Variants in C1orf87 observed in about 807,000 individuals in gnomAD.
The protein encoded by C1orf87 is chromosome 1 open reading frame 87.
Under a neutral mutation model 60.5 loss-of-function variants are expected in C1orf87, and 58 were observed. The ratio of observed to expected loss-of-function variants is 0.96; its 90% CI spans 0.78 to 1.19. The LOEUF (loss-of-function observed/expected upper bound fraction) is 1.19, where lower values mean the gene tolerates loss of function less well. Among genes scored for constraint, C1orf87 ranks in the 50% most tolerant of loss-of-function variants. The pLI, the probability that C1orf87 is intolerant of heterozygous loss-of-function variation, is 0.00. For missense variants in C1orf87, 673 were observed against 638.6 expected (o/e 1.05, Z -0.58); for synonymous variants, 236 against 227.4 (o/e 1.04, Z -0.34).
Position 60,025,431 on chromosome 1 carries a change from T to C in C1orf87, c.1097A>G (p.His366Arg). The C allele has an allele frequency of 6.2e-7, 1 of 1,613,556 alleles. No individual in the cohort carries two copies. The highest frequency in any genetic ancestry group is 1.7e-5 in the Admixed American group (1 of 59,980). The part of the protein sequence containing the change: ...TLSLLETLLN[H>R]QDLGYQNEIK... ...TTCATTTTGGTAACCCAAATCTTGA[T>C]GGTTAAGCAATGTTTCCAGCAGGCT... is the stretch of plus-strand genomic sequence containing the variant. Residue 366 changes from histidine to arginine, a missense_variant, in exon 8 of 12, where the codon CAT (histidine) becomes CGT (arginine). Coordinates refer to ENST00000371201, the MANE Select transcript of C1orf87 (RefSeq NM_152377.3).
intron 9 of C1orf87, among the ~76,000 whole-genome samples, chr1:60,007,688 G>A (rs1198102525): frequency 6.6e-6 from 1 of 151,974 alleles, no homozygotes; most frequent in Non-Finnish European, 1.5e-5. Context: ...TTCTTGCCAG[G>A]AGGTTTGGCT....
At chr1:60,012,423 T>C (rs1645092834) in intron 8 of C1orf87, among the ~76,000 whole-genome samples, 1 of 152,096 alleles carries the variant, frequency 6.6e-6, no homozygotes. Context: ...CTATATTGCC[T>C]GATTTGAATG....
chr1:60,044,072 C>T (rs539734556), intron 3 of C1orf87, among the ~76,000 whole-genome samples: 1 of 152,310 alleles, frequency 6.6e-6, no homozygotes, highest in East Asian at 1.9e-4. Flanking sequence ...CTCTGTTGTC[C>T]AGGCTGGAGT....
At chr1:60,046,164 CCTTG>C (rs1247107545) in intron 3 of C1orf87, among the ~76,000 whole-genome samples, 1 of 147,832 alleles carries the variant, frequency 6.8e-6, no homozygotes, top group African/African-American at 2.5e-5. Flanking sequence ...TCCTTCCTCT[CCTTG>C]CTTCTTTCCT....
At position 60,041,049 on chromosome 1, in the gene C1orf87, C is replaced by T; in HGVS notation, c.425G>A (p.Arg142Lys). 4 of 1,613,570 alleles carry T rather than the reference C, an allele frequency of 2.5e-6. No homozygotes were observed. Among genetic ancestry groups the T allele is most frequent in the Non-Finnish European group, 3.4e-6 (4 of 1,179,614 alleles). ...SLSYVHGIPR[R>K]KLRDWSLEQM... is the part of the protein sequence containing the mutation. Reference sequence around the variant, plus strand: ...TTCCAAGGACCAGTCTCTAAGCTTTCTCCTGGGAATGCCATGCACATAGGA... The same window carrying T: ...TTCCAAGGACCAGTCTCTAAGCTTTTTCCTGGGAATGCCATGCACATAGGA... Residue 142 changes from arginine to lysine, a missense_variant, in exon 4 of 12, where the codon AGA becomes AAA. Physicochemically the swap from Arg to Lys is conservative, Grantham distance 26 (BLOSUM62 2). Coordinates refer to ENST00000371201, the MANE Select transcript of C1orf87 (RefSeq NM_152377.3).
At position 60,001,172 on chromosome 1, in the gene C1orf87, A is replaced by C. The variant is rs772063827; in HGVS notation, c.1193-16T>G. On this transcript the variant is annotated splice_polypyrimidine_tract_variant and intron_variant, in intron 9 of 11. Coordinates refer to ENST00000371201, the MANE Select transcript of C1orf87 (RefSeq NM_152377.3). The stretch of plus-strand genomic sequence containing the variant: ...TCATTCTTCCCTGAACAAGAATAAA[A>C]AAAAAAAAAGGAAGGGTTTAGCTTG... The C allele has an allele frequency of 1.4e-5, 21 of 1,538,826 alleles. No individual in the cohort carries two copies. The highest frequency in any genetic ancestry group is 1.7e-5 in the Non-Finnish European group (20 of 1,143,164).
rs1645471205 is a variant in C1orf87 at position 60,058,299 on chromosome 1, A to G, written c.108-2861T>C. Reference sequence around the variant, plus strand: ...TGATCTGGGTGTTTATTGCATGAGTATATCACATTTGTGAGAATTCAGTGA... The same window carrying G: ...TGATCTGGGTGTTTATTGCATGAGTGTATCACATTTGTGAGAATTCAGTGA... On this transcript the variant is annotated intron_variant, in intron 2 of 11. Coordinates refer to ENST00000371201, the MANE Select transcript of C1orf87 (RefSeq NM_152377.3). Among the ~76,000 whole-genome samples the G allele has an allele frequency of 3.3e-5, 5 of 152,324 alleles. No homozygotes were observed. In the South Asian group the frequency reaches 1.0e-3, roughly 32 times the overall value.
At position 60,033,546 on chromosome 1, in the gene C1orf87, T is replaced by C. The variant is rs148328223; in HGVS notation, c.959A>G (p.Asn320Ser). The C allele has an allele frequency of 1.8e-5, 29 of 1,614,006 alleles. No individual in the cohort carries two copies. The East Asian group carries it at 5.1e-4, about 29-fold the overall frequency. The stretch of plus-strand genomic sequence containing the variant: ...AAAACTCAGATTGAGATTGTCTATG[T>C]TGAGTCTGCCATTGGTTGTCCTTAG... The part of the protein sequence containing the change: ...MALRTTNGRL[N>S]IDNLNLSFRK... The change falls in exon 7 of 12, where the codon AAC becomes AGC. Residue 320 changes from asparagine to serine, a missense_variant. Asn to Ser is a conservative substitution (Grantham distance 46). Transcript: ENST00000371201.
At chr1:60,004,200 G>C (rs1166803804) in intron 9 of C1orf87, among the ~76,000 whole-genome samples, 2 of 151,912 alleles carry the variant, frequency 1.3e-5, no homozygotes, top group Non-Finnish European at 1.5e-5. Context: ...ATCTAACCCT[G>C]ATTCTTCTCT....
At chr1:60,018,159 C>T (rs1645136732) in intron 8 of C1orf87, among the ~76,000 whole-genome samples, 1 of 152,180 alleles carries the variant, frequency 6.6e-6, no homozygotes, top group Non-Finnish European at 1.5e-5. Context: ...GTGCATTCAG[C>T]TTCTAAAATG....
rs769785384 is a variant in C1orf87 at position 60,039,989 on chromosome 1, A to G, written c.675T>C (p.His225=). 66 of 1,614,064 alleles carry G rather than the reference A, an allele frequency of 4.1e-5. No individual in the cohort carries two copies. Among genetic ancestry groups the G allele is most frequent in the Non-Finnish European group, 5.0e-5 (59 of 1,180,014 alleles). The change falls in exon 5 of 12, where the codon CAT becomes CAC. Residue 225 remains histidine (H), a synonymous_variant. Transcript: ENST00000371201. ...QSQLSRLFLK[H]EVPLQLPTVK... ...CTGTTGGTAACTGTAGAGGGACTTCATGCTTCAAAAAGAGGCGGCTCAGCT... is the reference window on the plus strand; with the variant it reads ...CTGTTGGTAACTGTAGAGGGACTTCGTGCTTCAAAAAGAGGCGGCTCAGCT...
At chr1:60,031,694 C>A (rs1206466078) in intron 7 of C1orf87, among the ~76,000 whole-genome samples, 2 of 152,068 alleles carry the variant, frequency 1.3e-5, no homozygotes, top group Non-Finnish European at 1.5e-5. Context: ...ATTTGGGACC[C>A]AGATTTGCCA....
intron 8 of C1orf87, among the ~76,000 whole-genome samples, chr1:60,021,034 T>G (rs571380995): frequency 1.3e-5 from 2 of 151,906 alleles, no homozygotes; most frequent in East Asian, 1.9e-4. Flanking sequence ...ACTGTGGCAC[T>G]TCCCCCCTCA....
chr1:60,031,421 C>T (rs1468694412), intron 7 of C1orf87, among the ~76,000 whole-genome samples: 3 of 152,148 alleles, frequency 2.0e-5, no homozygotes, highest in Non-Finnish European at 2.9e-5. Context: ...TAAAGTTAAG[C>T]TTTCAGGGAC....
rs756021690 is a variant in C1orf87 at position 59,990,681 on chromosome 1, C to G, written c.1633G>C (p.Glu545Gln). The change falls in exon 12 of 12, where the codon GAG becomes CAG. Residue 545 changes from glutamate (E) to glutamine (Q), a missense_variant. Transcript: ENST00000371201. ...ACAATATGGGCTTGTTATCATAGCT[C>G]CTTTAAGTACCGCAGTGCTGGCTCC... ...LLEPALRYLK[E>Q]L 6.2e-7 allele frequency: 1 copy of G among 1,613,756 alleles called. No homozygotes were observed. Among genetic ancestry groups the G allele is most frequent in the Non-Finnish European group, 8.5e-7 (1 of 1,179,902 alleles).
At chr1:60,025,249 A>T (rs182296219) in intron 8 of C1orf87, 152 bp downstream of exon 8, 3 of 548,496 alleles carry the variant, frequency 5.5e-6, no homozygotes, top group East Asian at 6.3e-5. Flanking sequence ...TAATTTCATC[A>T]TGGGGGTTTC....
At chr1:60,058,191 G>C (rs1009137336) in intron 2 of C1orf87, among the ~76,000 whole-genome samples, 19 of 152,166 alleles carry the variant, frequency 1.2e-4, no homozygotes, top group Non-Finnish European at 2.1e-4. Context: ...AGAAATCAGG[G>C]TAGTGATTAC....
chr1:60,013,674 T>C (rs1645104897), intron 8 of C1orf87, among the ~76,000 whole-genome samples: 2 of 151,536 alleles, frequency 1.3e-5, no homozygotes, highest in South Asian at 4.2e-4. Context: ...TTGTAGTGTA[T>C]ATTTGCTTTT....
Position 60,033,525 on chromosome 1 carries a change from C to T in C1orf87, c.980G>A (p.Ser327Asn). ...GAACGAGCGATCTTCTTTTCGAAAA[C>T]TCAGATTGAGATTGTCTATGTTGAG... Reference protein sequence around the residue: ...GRLNIDNLNLSFRKEDRSFSG... With the variant: ...GRLNIDNLNLNFRKEDRSFSG... The change falls in exon 7 of 12, where the codon AGT becomes AAT. Residue 327 changes from serine to asparagine, a missense_variant. Transcript: ENST00000371201. The T allele has an allele frequency of 6.2e-7, 1 of 1,613,956 alleles. No homozygotes were observed. The highest frequency in any genetic ancestry group is 8.5e-7 in the Non-Finnish European group (1 of 1,179,924).
Sources: gnomAD v4.1 joint callset for allele counts (sites outside exome capture counted in the v4.1 genomes callset) on GRCh38, gnomAD v4.1.1 for gene constraint, MANE v1.5 for transcripts, NCBI Gene and HGNC (gene_info 2026-07-23, HGNC 2026-07-21) for gene names.